IMMP2L: variants seen among roughly 807,000 people sequenced by gnomAD.
IMMP2L encodes mitochondrial inner membrane protease subunit 2.
In IMMP2L, 18 loss-of-function variants were observed where a neutral mutation model predicts 19.3. The observed-to-expected ratio is 0.93, with a 90% CI of 0.64 to 1.38. IMMP2L has a LOEUF of 1.38. Ranked by LOEUF, IMMP2L falls within the 40% of genes most tolerant of loss-of-function variation. IMMP2L has a pLI of 0.00. For missense variants in IMMP2L, 233 were observed against 218.2 expected, an observed-to-expected ratio of 1.07 and a Z score of -0.43; for synonymous variants, 76 against 73.0, an observed-to-expected ratio of 1.04 and a Z score of -0.21.
chr7:110,871,162 G>C (rs982770912), intron 5 of IMMP2L, among the ~76,000 whole-genome samples: 1 of 152,076 alleles, frequency 6.6e-6, no homozygotes, highest in Non-Finnish European at 1.5e-5. Context: ...TACTGAAATG[G>C]AAGAAATCTG....
chr7:111,208,810 G>A (rs1047533947), intron 3 of IMMP2L, among the ~76,000 whole-genome samples: 5 of 152,086 alleles, frequency 3.3e-5, no homozygotes, highest in African/African-American at 1.2e-4. Flanking sequence ...GGGGTTGGCT[G>A]TGACTGAAGT....
At chr7:110,895,375 T>C (rs1024549263) in intron 4 of IMMP2L, among the ~76,000 whole-genome samples, 7 of 152,160 alleles carry the variant, frequency 4.6e-5, no homozygotes, top group Non-Finnish European at 8.8e-5. Context: ...TTTTCTAGAC[T>C]CTATTTTGTT....
At chr7:111,223,960 A>G (rs1396834324) in intron 3 of IMMP2L, among the ~76,000 whole-genome samples, 2 of 152,132 alleles carry the variant, frequency 1.3e-5, no homozygotes, top group Non-Finnish European at 2.9e-5. Flanking sequence ...AGACTAGGGA[A>G]AAAATATGGA....
chr7:111,543,206 C>A (rs112400027), intron 1 of IMMP2L, among the ~76,000 whole-genome samples: 3,057 of 152,198 alleles, frequency 0.02, 105 homozygotes, highest in African/African-American at 0.07. Flanking sequence ...TAAAGTCAAC[C>A]ACATTTTTAA....
intron 4 of IMMP2L, among the ~76,000 whole-genome samples, chr7:110,950,088 C>T (rs1441590735): frequency 2.0e-5 from 3 of 152,150 alleles, no homozygotes. Context: ...AGACGTTGCA[C>T]ATTTTCAGGT....
rs941402601 is a variant in IMMP2L, at chr7:110,902,132, A to T, written c.306-15437T>A. On this transcript the variant is annotated intron_variant, in intron 4 of 5. Transcript: ENST00000405709. ...ATATCTAAAATGTACATGATTTTGGAGGGTTAAGGGGGATTAAAATTTTAA... is the reference window on the plus strand; with the variant it reads ...ATATCTAAAATGTACATGATTTTGGTGGGTTAAGGGGGATTAAAATTTTAA... 3.3e-5 allele frequency among the ~76,000 whole-genome samples: 5 copies of T among 151,956 alleles called. No individual in the cohort carries two copies. In the East Asian group the frequency reaches 5.8e-4, roughly 18 times the overall value.
chr7:111,191,274 AG>A (rs1196214000), intron 3 of IMMP2L, among the ~76,000 whole-genome samples: 1 of 152,100 alleles, frequency 6.6e-6, no homozygotes, highest in Non-Finnish European at 1.5e-5. Flanking sequence ...CCCAGGCAAA[AG>A]TCTAGATTAA....
intron 5 of IMMP2L, among the ~76,000 whole-genome samples, chr7:110,863,551 C>G (rs28623086): frequency 6.6e-6 from 1 of 152,036 alleles, no homozygotes; most frequent in African/African-American, 2.4e-5. Flanking sequence ...ATCTTTCCCC[C>G]GGCTAGCAAT....
chr7:111,233,579 A>C (rs1328051243), intron 3 of IMMP2L, among the ~76,000 whole-genome samples: 1 of 152,138 alleles, frequency 6.6e-6, no homozygotes, highest in Non-Finnish European at 1.5e-5. Context: ...ACCAATAATT[A>C]TTTTATTCAG....
chr7:111,242,248 G>T (rs774897960), intron 3 of IMMP2L, among the ~76,000 whole-genome samples: 16 of 152,062 alleles, frequency 1.1e-4, no homozygotes, highest in Non-Finnish European at 1.9e-4. Flanking sequence ...TCATAAATCA[G>T]TCCCTTTTAG....
chr7:111,382,722 C>G (rs1017323152), intron 3 of IMMP2L, among the ~76,000 whole-genome samples: 1 of 152,000 alleles, frequency 6.6e-6, no homozygotes, highest in Non-Finnish European at 1.5e-5. Flanking sequence ...AGACCTAGAA[C>G]ACAGATGGAC....
chr7:111,506,809 C>T (rs1844951805), intron 2 of IMMP2L, among the ~76,000 whole-genome samples: 1 of 152,132 alleles, frequency 6.6e-6, no homozygotes, highest in African/African-American at 2.4e-5. Context: ...ATACTAAGTA[C>T]CACCTTATAT....
In IMMP2L at chr7:111,281,245, A is replaced by AG. The variant is rs1554427579; in HGVS notation, c.239+205992_239+205993insC. ...GAAAGAAAGAAAGAAAGAAAGAAAGAAGAGAGAGAGAGAAAGAGAGAGAGA... is the reference window on the plus strand; with the variant it reads ...GAAAGAAAGAAAGAAAGAAAGAAAGAGAGAGAGAGAGAGAAAGAGAGAGAGA... On this transcript the variant is annotated intron_variant, in intron 3 of 5. Transcript: ENST00000405709. Among the ~76,000 whole-genome samples, 922 of 137,016 alleles carry AG rather than the reference A, an allele frequency of 6.7e-3. 28 individuals carry two copies. Among genetic ancestry groups the AG allele is most frequent in the Middle Eastern group, 0.037 (10 of 268 alleles). 89.9% of individuals were successfully genotyped at this position (137,016 alleles called of 152,430 possible).
intron 5 of IMMP2L, among the ~76,000 whole-genome samples, chr7:110,699,245 C>A (rs759046757): frequency 1.3e-5 from 2 of 152,172 alleles, no homozygotes; most frequent in Admixed American, 6.5e-5. Context: ...TATGTGACAA[C>A]CTCAACTGAA....
At chr7:110,702,380 C>T (rs1449917122) in intron 5 of IMMP2L, among the ~76,000 whole-genome samples, 2 of 152,012 alleles carry the variant, frequency 1.3e-5, no homozygotes, top group Admixed American at 6.6e-5. Context: ...TAAGTGGTTA[C>T]TTATGAACAA....
chr7:111,498,105 C>A lies in IMMP2L; in HGVS notation c.136-10764G>T, dbSNP rs146887132. On this transcript the variant is annotated intron_variant, in intron 2 of 5. Transcript: ENST00000405709. Reference sequence around the variant, plus strand: ...TACTAATATTTTTAAAGTTTGTGTTCTTTAAACAAGCTCTTCAGTATTTAA... The same window carrying A: ...TACTAATATTTTTAAAGTTTGTGTTATTTAAACAAGCTCTTCAGTATTTAA... 8.1e-3 allele frequency among the ~76,000 whole-genome samples: 1,230 copies of A among 151,926 alleles called. 18 individuals carry two copies. The highest frequency in any genetic ancestry group is 6.9e-3 in the Non-Finnish European group (471 of 67,906).
rs528429380 is a variant in IMMP2L, at chr7:111,333,761, C to T, written c.239+153477G>A. On this transcript the variant is annotated intron_variant, in intron 3 of 5. Transcript: ENST00000405709. ...AGTCTCCCAGCCTACATCTTTCTCC[C>T]GTGCTGGGTCCTTCCTGCCCTTGAA... 1.5e-4 allele frequency among the ~76,000 whole-genome samples: 23 copies of T among 152,106 alleles called. 1 individual carries two copies. The highest frequency in any genetic ancestry group is 2.4e-4 in the Non-Finnish European group (16 of 68,018).
intron 3 of IMMP2L, among the ~76,000 whole-genome samples, chr7:111,353,243 T>C (rs1247488308): frequency 2.0e-5 from 3 of 152,120 alleles, no homozygotes; most frequent in Admixed American, 6.6e-5. Flanking sequence ...GCTCAAATCT[T>C]CAACTAAAGG....
At chr7:111,515,495 G>A (rs1008468333) in intron 2 of IMMP2L, among the ~76,000 whole-genome samples, 10 of 152,176 alleles carry the variant, frequency 6.6e-5, no homozygotes, top group Admixed American at 2.0e-4. Flanking sequence ...AAATGACCAG[G>A]AATTGACAAA....
Sources: gnomAD v4.1 joint callset for allele counts (sites outside exome capture counted in the v4.1 genomes callset) on GRCh38, gnomAD v4.1.1 for gene constraint, MANE v1.5 for transcripts, NCBI Gene and HGNC (gene_info 2026-07-23, HGNC 2026-07-21) for gene names.